SORCS1: variants seen among roughly 807,000 people sequenced by gnomAD.
The protein encoded by SORCS1 is sortilin related VPS10 domain containing receptor 1, also known as VPS10 domain-containing receptor SorCS1.
SORCS1 carries 60 observed loss-of-function variants against 146.1 expected under a neutral mutation model. The observed-to-expected ratio is 0.41, with a 90% CI of 0.33 to 0.51. SORCS1 has a LOEUF of 0.51. Among genes scored for constraint, SORCS1 ranks in the 20% least tolerant of loss-of-function variants. The pLI is 0.21. For missense variants in SORCS1, 1,352 were observed against 1,487.6 expected (o/e 0.91, Z 1.50); for synonymous variants, 637 against 584.0 (o/e 1.09, Z -1.31).
chr10:106,713,842 C>G (rs1241490886), intron 6 of SORCS1, among the ~76,000 whole-genome samples: 2 of 152,064 alleles, frequency 1.3e-5, no homozygotes. Context: ...ATCTAAGGTT[C>G]AAACAGATAC....
intron 5 of SORCS1, among the ~76,000 whole-genome samples, chr10:106,750,241 A>G (rs1858050324): frequency 6.6e-6 from 1 of 152,130 alleles, no homozygotes; most frequent in Admixed American, 6.5e-5. Flanking sequence ...TGAAGTCTCG[A>G]GAAGTGACTG....
intron 18 of SORCS1, among the ~76,000 whole-genome samples, chr10:106,632,054 T>C (rs543591377): frequency 1.3e-5 from 2 of 152,290 alleles, no homozygotes; most frequent in South Asian, 4.1e-4. Context: ...ATTAGGGTGT[T>C]AGGTCAGGTA....
intron 1 of SORCS1, among the ~76,000 whole-genome samples, chr10:106,962,945 T>C (rs1367353065): frequency 6.6e-6 from 1 of 152,114 alleles, no homozygotes; most frequent in Non-Finnish European, 1.5e-5. Flanking sequence ...CCTCTCTGCT[T>C]ATTTCAGCAG....
intron 1 of SORCS1, among the ~76,000 whole-genome samples, chr10:107,033,185 C>T (rs1053641954): frequency 2.6e-5 from 4 of 152,182 alleles, no homozygotes; most frequent in South Asian, 2.1e-4. Context: ...AGAGAATGTG[C>T]GCAGAAGGGA....
chr10:107,075,342 G>T (rs1024062775), intron 1 of SORCS1, among the ~76,000 whole-genome samples: 4 of 152,062 alleles, frequency 2.6e-5, no homozygotes. Flanking sequence ...ATGATGAAAC[G>T]GATTGAAAGC....
intron 5 of SORCS1, among the ~76,000 whole-genome samples, chr10:106,741,568 G>A (rs751802720): frequency 3.9e-5 from 6 of 151,922 alleles, no homozygotes; most frequent in African/African-American, 1.2e-4. Flanking sequence ...ACTGCAATCC[G>A]GCCTGGGTGA....
At chr10:106,700,765 C>T (rs1428319192) in intron 8 of SORCS1, among the ~76,000 whole-genome samples, 2 of 152,162 alleles carry the variant, frequency 1.3e-5, no homozygotes, top group Non-Finnish European at 2.9e-5. Context: ...AACTCGTGAT[C>T]CCAGAGGGAG....
intron 2 of SORCS1, among the ~76,000 whole-genome samples, chr10:106,851,236 T>C (rs1347439855): frequency 2.0e-5 from 3 of 152,380 alleles, no homozygotes; most frequent in Middle Eastern, 3.4e-3. Context: ...TCATAGATTG[T>C]GACTTTGGTC....
chr10:107,042,960 T>C (rs888635730), intron 1 of SORCS1, among the ~76,000 whole-genome samples: 1 of 152,204 alleles, frequency 6.6e-6, no homozygotes, highest in African/African-American at 2.4e-5. Context: ...GCTTCTGTGG[T>C]TATCCCAAGA....
At chr10:107,146,045 T>C (rs1278121897) in intron 1 of SORCS1, among the ~76,000 whole-genome samples, 4 of 152,238 alleles carry the variant, frequency 2.6e-5, no homozygotes, top group African/African-American at 4.8e-5. Flanking sequence ...TCCACAGTTT[T>C]ATTGCATCCT....
At chr10:107,065,649 T>TTTTG (rs34877501) in intron 1 of SORCS1, among the ~76,000 whole-genome samples, 47 of 150,438 alleles carry the variant, frequency 3.1e-4, no homozygotes, top group East Asian at 3.9e-4. Context: ...CCCCAAATAG[T>TTTTG]TTTGTTTGTT....
intron 24 of SORCS1, among the ~76,000 whole-genome samples, chr10:106,587,294 T>C (rs1845300931): frequency 6.6e-6 from 1 of 152,250 alleles, no homozygotes. Context: ...ATAAACTTAC[T>C]GGCTGTGGAA....
intron 24 of SORCS1, among the ~76,000 whole-genome samples, chr10:106,592,349 C>T (rs1845651652): frequency 1.3e-5 from 2 of 152,314 alleles, no homozygotes; most frequent in East Asian, 1.9e-4. Context: ...GGGGCAGACA[C>T]CATCCAGTCT....
chr10:106,793,254 G>T (rs1162065752), intron 3 of SORCS1, among the ~76,000 whole-genome samples: 2 of 152,192 alleles, frequency 1.3e-5, no homozygotes, highest in African/African-American at 4.8e-5. Flanking sequence ...GGAAGTAAAG[G>T]TGTTTAACAG....
intron 18 of SORCS1, among the ~76,000 whole-genome samples, chr10:106,633,354 T>TTGTTAACGAA (rs1848546547): frequency 6.6e-6 from 1 of 152,176 alleles, no homozygotes; most frequent in Non-Finnish European, 1.5e-5. Flanking sequence ...TTTTGAAATA[T>TTGTTAACGAA]ATAATAAATT....
chr10:107,166,280 G>A (rs1371042595), upstream of SORCS1, among the ~76,000 whole-genome samples: 1 of 152,170 alleles, frequency 6.6e-6, no homozygotes, highest in Non-Finnish European at 1.5e-5. Context: ...GTAATACAGA[G>A]TGATAATTAC....
chr10:106,771,663 A>G (rs190272842), intron 4 of SORCS1, among the ~76,000 whole-genome samples: 1 of 152,306 alleles, frequency 6.6e-6, no homozygotes, highest in East Asian at 1.9e-4. Context: ...ACTTTCCACA[A>G]GGATTCATTG....
chr10:106,649,313 T>C (rs1849687512), intron 18 of SORCS1, among the ~76,000 whole-genome samples: 1 of 152,160 alleles, frequency 6.6e-6, no homozygotes, highest in African/African-American at 2.4e-5. Context: ...GACACTGCTG[T>C]GGGGTCAGAG....
At chr10:106,951,560 C>T (rs1219475620) in intron 2 of SORCS1, among the ~76,000 whole-genome samples, 1 of 150,874 alleles carries the variant, frequency 6.6e-6, no homozygotes, top group Non-Finnish European at 1.5e-5. Context: ...AGCCTATCTG[C>T]TGTTGATCTA....
Sources: allele counts gnomAD v4.1 joint callset (sites outside exome capture counted in the v4.1 genomes callset), GRCh38; gene constraint gnomAD v4.1.1; transcripts MANE v1.5; gene names NCBI Gene and HGNC (gene_info 2026-07-23, HGNC 2026-07-21).